The following CACNA1B variants were observed in gnomAD, a reference collection of about 807,000 sequenced individuals.
CACNA1B encodes the protein voltage-dependent N-type calcium channel subunit alpha-1B.
A neutral mutation model predicts 247.2 loss-of-function variants in CACNA1B; 70 were observed. The observed-to-expected ratio is 0.28, with a 90% confidence interval of 0.23 to 0.35. CACNA1B has a LOEUF of 0.35. Ranked by LOEUF, CACNA1B falls within the 10% of genes least tolerant of loss-of-function variation. The probability of loss-of-function intolerance (pLI) is 1.00; values close to 1 mark genes in which losing one functional copy is unlikely to be tolerated. For synonymous variants in CACNA1B, 1,231 were observed against 1,294.4 expected (o/e 0.95, Z 1.05); for missense variants, 2,367 against 3,197.4 (o/e 0.74, Z 6.26).
At chr9:137,949,280 G>GCACT (rs1309091395) in intron 6 of CACNA1B, among the ~76,000 whole-genome samples, 654 of 14,052 alleles carry the variant, frequency 0.047, no homozygotes, top group African/African-American at 0.062. Context: ...TCTGGTGTGT[G>GCACT]TGTTTGCGTG....
chr9:137,905,395 A>G (rs1957287737), intron 3 of CACNA1B, among the ~76,000 whole-genome samples: 1 of 152,016 alleles, frequency 6.6e-6, no homozygotes, highest in Non-Finnish European at 1.5e-5. Flanking sequence ...ATGAAAAATT[A>G]TATTTGTAAA....
In CACNA1B at chr9:138,110,102, G is replaced by GATAT. The variant is rs34989754; in HGVS notation, c.5429-2284_5429-2281dup. The stretch of plus-strand genomic sequence containing the variant: ...AACTACAGCAAAACTTTTGCTATAT[G>GATAT]ATATATATATATATACATATATATA... On this transcript the variant is annotated intron_variant, in intron 39 of 46. Coordinates refer to ENST00000371372, the MANE Select transcript of CACNA1B (RefSeq NM_000718.4). 3.8e-3 allele frequency among the ~76,000 whole-genome samples: 551 copies of GATAT among 144,502 alleles called. 2 individuals carry two copies. The highest frequency in any genetic ancestry group is 4.4e-3 in the Non-Finnish European group (291 of 65,558). The allele number at this position is 144,502 out of a possible 152,430, so 94.8% of individuals were successfully genotyped here.
chr9:138,013,080 T>A lies in CACNA1B; in HGVS notation c.2161-49T>A, dbSNP rs778587277. ...ATGTTATATATAGCCAGTGTTAGAG[T>A]GGCTATAACACTGTGAGGGGAACTG... On this transcript the variant is annotated intron_variant, in intron 17 of 46. Transcript: ENST00000371372. The A allele has an allele frequency of 3.0e-6, 4 of 1,324,628 alleles. No homozygotes were observed. In the East Asian group the frequency reaches 9.3e-5, roughly 31 times the overall value. 82.1% of individuals were successfully genotyped at this position (1,324,628 alleles called of 1,614,324 possible). A position where few individuals can be genotyped will look rare whatever the true frequency, so the allele number is the denominator to read the frequency against.
rs1228555614 is a variant in CACNA1B, at chr9:137,954,243, G to A, written c.1071-1455G>A. 1.3e-5 allele frequency among the ~76,000 whole-genome samples: 2 copies of A among 152,204 alleles called. No homozygotes were observed. The highest frequency in any genetic ancestry group is 4.8e-5 in the African/African-American group (2 of 41,452). Reference sequence around the variant, plus strand: ...CCCGGGGTGGCAGTGGTGAGAGGCCGCCTTCCCAGCCTTGCTCTGTGGGAA... The same window carrying A: ...CCCGGGGTGGCAGTGGTGAGAGGCCACCTTCCCAGCCTTGCTCTGTGGGAA... On this transcript the variant is annotated intron_variant, in intron 7 of 46. Coordinates refer to ENST00000371372, the MANE Select transcript of CACNA1B (RefSeq NM_000718.4). This position sits in a 1 kb window ranked among gnomAD's most constrained non-coding sequence, Gnocchi z 4.1.
rs1285052295 is a variant in CACNA1B, at chr9:137,950,328, G to C, written c.967-1946G>C. Among the ~76,000 whole-genome samples, 1 of 152,220 alleles carries C rather than the reference G, an allele frequency of 6.6e-6. No individual in the cohort carries two copies. The highest frequency in any genetic ancestry group is 6.5e-5 in the Admixed American group (1 of 15,282). On this transcript the variant is annotated intron_variant, in intron 6 of 46. Transcript: ENST00000371372. The surrounding 1 kb of genome is among the most constrained non-coding windows in gnomAD (Gnocchi z 4.8). ...GTGGTAAAAGTCCTGGCTGCACAAGGCCCTTCTGATAGCTCCCTAGCTGCA... is the reference window on the plus strand; with the variant it reads ...GTGGTAAAAGTCCTGGCTGCACAAGCCCCTTCTGATAGCTCCCTAGCTGCA...
rs1162123417 is a variant in CACNA1B, at chr9:137,950,458, C to T, written c.967-1816C>T. 6.6e-6 allele frequency among the ~76,000 whole-genome samples: 1 copy of T among 152,236 alleles called. No homozygotes were observed. The highest frequency in any genetic ancestry group is 1.9e-4 in the East Asian group (1 of 5,198). ...GGCTGGGGGGCCGTGATAACCCCTG[C>T]TGAGGAGGAACGTTCCACTTCCTAC... On this transcript the variant is annotated intron_variant, in intron 6 of 46. Coordinates refer to ENST00000371372, the MANE Select transcript of CACNA1B (RefSeq NM_000718.4). The surrounding 1 kb of genome is among the most constrained non-coding windows in gnomAD (Gnocchi z 4.8).
chr9:137,979,598 G>A (rs7039392), intron 12 of CACNA1B, among the ~76,000 whole-genome samples: 4,899 of 152,202 alleles, frequency 0.032, 247 homozygotes, highest in African/African-American at 0.11. Flanking sequence ...TGGGGCCATC[G>A]AAGAGGCTGC....
chr9:138,056,877 T>C (rs1959519289), intron 26 of CACNA1B, among the ~76,000 whole-genome samples: 1 of 152,138 alleles, frequency 6.6e-6, no homozygotes, highest in Admixed American at 6.5e-5. Flanking sequence ...AATAGCCATT[T>C]GTATATCTTC....
chr9:138,022,731 C>G (rs1220781307), intron 18 of CACNA1B, among the ~76,000 whole-genome samples: 1 of 151,930 alleles, frequency 6.6e-6, no homozygotes, highest in African/African-American at 2.4e-5. Context: ...TCCTGTACCC[C>G]TCGGCCTCCT....
chr9:138,056,807 G>A (rs1156301866), intron 26 of CACNA1B, among the ~76,000 whole-genome samples: 1 of 152,072 alleles, frequency 6.6e-6, no homozygotes, highest in Non-Finnish European at 1.5e-5. Context: ...GGTGTCTCGT[G>A]GTGGTTTTTA....
chr9:137,914,633 C>T lies in CACNA1B; in HGVS notation c.623-21C>T. 6.2e-7 allele frequency: 1 copy of T among 1,611,610 alleles called. No homozygotes were observed. The highest frequency in any genetic ancestry group is 8.5e-7 in the Non-Finnish European group (1 of 1,178,416). On this transcript the variant is annotated intron_variant, in intron 4 of 46. Coordinates refer to ENST00000371372, the MANE Select transcript of CACNA1B (RefSeq NM_000718.4). This position sits in a 1 kb window ranked among gnomAD's most constrained non-coding sequence, Gnocchi z 4.3. ...CTACCCTGCCCACGTTGCTTCCTGA[C>T]CTGCCCTGTTCTGGCCCCAGGTTTG...
chr9:138,019,895 C>T (rs1958821977), intron 18 of CACNA1B, among the ~76,000 whole-genome samples: 3 of 151,886 alleles, frequency 2.0e-5, no homozygotes, highest in African/African-American at 2.4e-5. Context: ...CTCAGGAGTT[C>T]GAGACCAGCC....
chr9:137,892,399 G>T (rs899556549), intron 3 of CACNA1B: 8 of 454,966 alleles, frequency 1.8e-5, no homozygotes, highest in African/African-American at 6.0e-5. Flanking sequence ...GGCCAGGCCT[G>T]CGGGGTCCAC....
chr9:138,020,200 C>T lies in CACNA1B; in HGVS notation c.2268-2811C>T, dbSNP rs566096675. 6.6e-6 allele frequency among the ~76,000 whole-genome samples: 1 copy of T among 152,022 alleles called. No individual in the cohort carries two copies. The highest frequency in any genetic ancestry group is 1.9e-4 in the East Asian group (1 of 5,190). ...TTCCGGGTTGTCTGAGCCCAGAGAC[C>T]TCAAAGCAGGGCCACAGAGCGCCTT... On this transcript the variant is annotated intron_variant, in intron 18 of 46. Transcript: ENST00000371372. The surrounding 1 kb of genome is among the most constrained non-coding windows in gnomAD (Gnocchi z 4.1).
In CACNA1B at chr9:137,971,605, G is replaced by T. The variant is rs200007246; in HGVS notation, c.1543+13G>T. On this transcript the variant is annotated intron_variant, in intron 11 of 46. Transcript: ENST00000371372. This position sits in a 1 kb window ranked among gnomAD's most constrained non-coding sequence, Gnocchi z 4.4. ...ACCACGACCCTGTGTACGTATCCCC[G>T]TCCCTCCCTCAGGTGCTTCCTGAGC... 6.2e-7 allele frequency: 1 copy of T among 1,605,600 alleles called. No homozygotes were observed. Among genetic ancestry groups the T allele is most frequent in the Non-Finnish European group, 8.5e-7 (1 of 1,174,242 alleles).
chr9:138,022,832 T>C (rs1180879376), intron 18 of CACNA1B, among the ~76,000 whole-genome samples, 179 bp from the exon 19 acceptor site: 1 of 150,818 alleles, frequency 6.6e-6, no homozygotes, highest in Non-Finnish European at 1.5e-5. Context: ...GGGGCTGAAT[T>C]CGGTTCCCTT....
intron 25 of CACNA1B, 110 bp from the exon 26 acceptor site, chr9:138,053,736 C>T: frequency 1.2e-6 from 1 of 825,154 alleles, no homozygotes; most frequent in Non-Finnish European, 2.0e-6. Flanking sequence ...TTGGCTTCAC[C>T]CCCTCATCGT....
chr9:138,000,300 G>A (rs574993354), intron 15 of CACNA1B, among the ~76,000 whole-genome samples: 677 of 151,978 alleles, frequency 4.5e-3, no homozygotes, highest in Non-Finnish European at 5.5e-3. Flanking sequence ...GGGTTTCACC[G>A]TGTTAGCCAG....
In CACNA1B at chr9:138,014,667, G is replaced by A. The variant is rs774068308; in HGVS notation, c.2267+1432G>A. Among the ~76,000 whole-genome samples, 1 of 152,144 alleles carries A rather than the reference G, an allele frequency of 6.6e-6. No homozygotes were observed. The highest frequency in any genetic ancestry group is 2.1e-4 in the South Asian group (1 of 4,822). On this transcript the variant is annotated intron_variant, in intron 18 of 46. Transcript: ENST00000371372. This position sits in a 1 kb window ranked among gnomAD's most constrained non-coding sequence, Gnocchi z 6.2. The stretch of plus-strand genomic sequence containing the variant: ...GTGGTCTGCAGTAGATGGGGCGAGT[G>A]GTGTGTTCAGCTCCTGGCCTCGCGC...
Sources: allele counts gnomAD v4.1 joint callset (sites outside exome capture counted in the v4.1 genomes callset), GRCh38; gene constraint gnomAD v4.1.1; non-coding constraint Gnocchi (gnomAD v3.1); transcripts MANE v1.5; gene names NCBI Gene and HGNC (gene_info 2026-07-23, HGNC 2026-07-21).